ZNF141: variants seen among roughly 807,000 people sequenced by gnomAD.
ZNF141 encodes the protein zinc finger protein 141, also known as zinc finger protein 141 (clone pHZ-44).
A neutral mutation model predicts 11.3 loss-of-function variants in ZNF141; 7 were observed. The ratio of observed to expected loss-of-function variants is 0.62; its 90% CI spans 0.35 to 1.16. The LOEUF (loss-of-function observed/expected upper bound fraction) is 1.16, where lower values mean the gene tolerates loss of function less well. ZNF141 is among the 50% of genes most tolerant of loss of function. The pLI, the probability that ZNF141 is intolerant of heterozygous loss-of-function variation, is 0.02. For missense variants in ZNF141, 535 were observed against 554.0 expected (o/e 0.97, Z 0.34); for synonymous variants, 183 against 190.7 (o/e 0.96, Z 0.33).
At chr4:352,969 T>TGTG (rs1256595687) in intron 3 of ZNF141, among the ~76,000 whole-genome samples, 1 of 152,022 alleles carries the variant, frequency 6.6e-6, no homozygotes, top group African/African-American at 2.4e-5. Flanking sequence ...GGTCTGAACT[T>TGTG]GTGGGGTCTG....
intron 3 of ZNF141, among the ~76,000 whole-genome samples, chr4:363,481 G>C (rs1159578922): frequency 3.3e-5 from 5 of 152,156 alleles, no homozygotes; most frequent in Non-Finnish European, 5.9e-5. Context: ...TCCTGCCCGG[G>C]CGCAGTGGGT....
At chr4:367,723 G>A (rs1168586916) in intron 3 of ZNF141, among the ~76,000 whole-genome samples, 1 of 151,914 alleles carries the variant, frequency 6.6e-6, no homozygotes, top group African/African-American at 2.4e-5. Context: ...CACCATATTG[G>A]CCAGGCTAGT....
At chr4:360,467 G>A (rs76886738) in intron 3 of ZNF141, among the ~76,000 whole-genome samples, 4,353 of 152,264 alleles carry the variant, frequency 0.029, 62 homozygotes, top group Middle Eastern at 0.065. Context: ...ATAAGTCACA[G>A]TTGAAAACTA....
chr4:362,612 C>T (rs1332709869), intron 3 of ZNF141, among the ~76,000 whole-genome samples: 3 of 152,318 alleles, frequency 2.0e-5, no homozygotes, highest in Non-Finnish European at 2.9e-5. Flanking sequence ...CCAGTTTTCC[C>T]AGCACCATTT....
chr4:374,070 G>A lies in ZNF141; in HGVS notation c.*208G>A. On this transcript the variant is annotated 3_prime_UTR_variant, in exon 4 of 4. Coordinates refer to ENST00000240499, the MANE Select transcript of ZNF141 (RefSeq NM_003441.4). ...ATGTGAAGAATATGGCAAAGCCTGT[G>A]AATGGTCCACAAACCTGAATGAGCA... The A allele has an allele frequency of 5.0e-6, 3 of 597,076 alleles. No individual in the cohort carries two copies. The highest frequency in any genetic ancestry group is 3.0e-6 in the Non-Finnish European group (1 of 337,698). 37.0% of individuals were successfully genotyped at this position (597,076 alleles called of 1,614,324 possible).
At chr4:352,848 TGAGG>T (rs1721667242) in intron 3 of ZNF141, among the ~76,000 whole-genome samples, 1 of 152,124 alleles carries the variant, frequency 6.6e-6, no homozygotes, top group Non-Finnish European at 1.5e-5. Flanking sequence ...TTATTAAATT[TGAGG>T]GAGGGAGTTA....
intron 1 of ZNF141, chr4:342,687 G>A: frequency 1.1e-6 from 1 of 891,558 alleles, no homozygotes; most frequent in East Asian, 2.6e-5. Context: ...ACAGTTTGAA[G>A]AGAAACCATC....
intron 3 of ZNF141, among the ~76,000 whole-genome samples, chr4:355,163 G>A (rs773877232): frequency 4.0e-4 from 61 of 150,946 alleles, no homozygotes; most frequent in East Asian, 7.8e-4. Context: ...TTTTAATGAC[G>A]AATTTTTTTC....
intron 3 of ZNF141, among the ~76,000 whole-genome samples, chr4:368,545 C>T (rs1049010356): frequency 7.2e-5 from 11 of 152,134 alleles, no homozygotes; most frequent in Admixed American, 1.3e-4. Context: ...CCTGGCCAAT[C>T]GGCCAATGTT....
rs529395169 is a variant in ZNF141, at chr4:337,860, T to G, written c.-124T>G. 3.0e-6 allele frequency: 4 copies of G among 1,336,146 alleles called. No homozygotes were observed. The Admixed American group carries it at 5.2e-5, about 17-fold the overall frequency. 82.8% of individuals were successfully genotyped at this position (1,336,146 alleles called of 1,614,324 possible). A position where few individuals can be genotyped will look rare whatever the true frequency, so the allele number is the denominator to read the frequency against. On this transcript the variant is annotated 5_prime_UTR_variant, in exon 1 of 4. Transcript: ENST00000240499. ...CAGACCGCGGGTTAGGGGCTTCATC[T>G]CTCTGCGTTCTCAGTTGTGGGAGGC...
At chr4:362,072 A>G (rs1176703209) in intron 3 of ZNF141, among the ~76,000 whole-genome samples, 2 of 152,198 alleles carry the variant, frequency 1.3e-5, no homozygotes, top group Non-Finnish European at 2.9e-5. Flanking sequence ...TTGCCATTCT[A>G]ACTGGTGTGA....
chr4:340,545 C>T (rs1173946385), intron 1 of ZNF141, among the ~76,000 whole-genome samples: 1 of 152,202 alleles, frequency 6.6e-6, no homozygotes, highest in Non-Finnish European at 1.5e-5. Context: ...TGCCCAAATG[C>T]CCACAAATGT....
rs1712351319 is a variant in ZNF141 at position 376,078 on chromosome 4, A to G, written c.*2216A>G. Among the ~76,000 whole-genome samples the G allele has an allele frequency of 6.6e-6, 1 of 152,108 alleles. No individual in the cohort carries two copies. Among genetic ancestry groups the G allele is most frequent in the African/African-American group, 2.4e-5 (1 of 41,468 alleles). On this transcript the variant is annotated 3_prime_UTR_variant, in exon 4 of 4. Transcript: ENST00000240499. ...AATTATTTTAAGATTATGTGGGAAC[A>G]TAATTTTTTAACTAAACAAAATTTT...
At chr4:355,660 A>G (rs1417400538) in intron 3 of ZNF141, among the ~76,000 whole-genome samples, 5 of 152,200 alleles carry the variant, frequency 3.3e-5, no homozygotes, top group Non-Finnish European at 7.3e-5. Flanking sequence ...AGTTTGCAGC[A>G]TATTGTTGAT....
rs1330433618 is a variant in ZNF141 at position 383,875 on chromosome 4, C to G, written c.*10013C>G. ...GAACCTCAAAAGGAGTACTTAAAAC[C>G]CAGAAAACATTGTAACCGGGTCCTT... On this transcript the variant is annotated 3_prime_UTR_variant, in exon 4 of 4. Coordinates refer to ENST00000240499, the MANE Select transcript of ZNF141 (RefSeq NM_003441.4). The G allele has an allele frequency of 1.4e-4, 22 of 152,372 alleles. No homozygotes were observed. The highest frequency in any genetic ancestry group is 5.3e-4 in the African/African-American group (22 of 41,590). 9.4% of individuals were successfully genotyped at this position (152,372 alleles called of 1,614,324 possible). A position where few individuals can be genotyped will look rare whatever the true frequency, so the allele number is the denominator to read the frequency against.
intron 3 of ZNF141, among the ~76,000 whole-genome samples, chr4:355,711 G>A (rs900189440): frequency 1.3e-5 from 2 of 152,106 alleles, no homozygotes; most frequent in South Asian, 2.1e-4. Flanking sequence ...GTTTTAGATT[G>A]TTTTTTGCTT....
chr4:338,200 C>T (rs1553847881), intron 1 of ZNF141: 2 of 535,942 alleles, frequency 3.7e-6, no homozygotes, highest in East Asian at 7.3e-5. Context: ...TCTGCGCCCG[C>T]AGCCCCGCAC....
chr4:359,678 G>T (rs1722018082), intron 3 of ZNF141, among the ~76,000 whole-genome samples: 1 of 152,194 alleles, frequency 6.6e-6, no homozygotes, highest in Non-Finnish European at 1.5e-5. Context: ...AGGGACACAT[G>T]TAGCTGTGCT....
intron 3 of ZNF141, among the ~76,000 whole-genome samples, chr4:345,710 A>G (rs1266285698): frequency 6.7e-6 from 1 of 148,392 alleles, no homozygotes; most frequent in East Asian, 2.0e-4. Flanking sequence ...CCTGGGCAAC[A>G]AGAGTGAAAC....
Sources: gnomAD v4.1 joint callset for allele counts (sites outside exome capture counted in the v4.1 genomes callset) on GRCh38, gnomAD v4.1.1 for gene constraint, MANE v1.5 for transcripts, NCBI Gene and HGNC (gene_info 2026-07-23, HGNC 2026-07-21) for gene names.